XKR7: variants seen among roughly 807,000 people sequenced by gnomAD.
XKR7 encodes XK related 7.
Under a neutral mutation model 42.2 loss-of-function variants are expected in XKR7, and 11 were observed. The ratio of observed to expected loss-of-function variants is 0.26; its 90% confidence interval spans 0.16 to 0.43. The LOEUF is 0.43. Among genes scored for constraint, XKR7 ranks in the 20% least tolerant of loss-of-function variants. The pLI is 1.00. For missense variants in XKR7, 710 were observed against 802.2 expected (o/e 0.89, Z 1.39); for synonymous variants, 346 against 366.4 (o/e 0.94, Z 0.64).
In XKR7 at chr20:32,002,190, G is replaced by C. The variant is rs1054633904; in HGVS notation, c.*4733G>C. On this transcript the variant is annotated 3_prime_UTR_variant, in exon 3 of 3. Transcript: ENST00000562532. ...CAGAAAACTCCCCAGGGGACAGAGAGGTTACCCCCTTGTGCTTAGCTTCTG... is the reference window on the plus strand; with the variant it reads ...CAGAAAACTCCCCAGGGGACAGAGACGTTACCCCCTTGTGCTTAGCTTCTG... 4 of 152,232 alleles carry C rather than the reference G, an allele frequency of 2.6e-5. No individual in the cohort carries two copies. The highest frequency in any genetic ancestry group is 7.2e-5 in the African/African-American group (3 of 41,426). 9.4% of individuals were successfully genotyped at this position (152,232 alleles called of 1,614,324 possible).
rs1380272159 is a variant in XKR7 at position 32,001,871 on chromosome 20, G to A, written c.*4414G>A. ...GTAGAGGTTGGTAGGGGGAGCTGTA[G>A]TTTCTATATTAAAGTGCTTTGCAGT... On this transcript the variant is annotated 3_prime_UTR_variant, in exon 3 of 3. Transcript: ENST00000562532. 6.6e-6 allele frequency: 1 copy of A among 152,254 alleles called. No individual in the cohort carries two copies. Among genetic ancestry groups the A allele is most frequent in the Admixed American group, 6.5e-5 (1 of 15,274 alleles). 9.4% of individuals were successfully genotyped at this position (152,254 alleles called of 1,614,324 possible).
At position 31,995,172 on chromosome 20, in the gene XKR7, T is replaced by A; in HGVS notation, c.689T>A (p.Met230Lys). ...QMLFESADVS[M>K]LRLLETFLRS... Reference sequence around the variant, plus strand: ...CTGTTCGAGAGCGCCGACGTGAGCATGCTGCGCTTGCTGGAGACCTTCCTG... The same window carrying A: ...CTGTTCGAGAGCGCCGACGTGAGCAAGCTGCGCTTGCTGGAGACCTTCCTG... Residue 230 changes from methionine to lysine, a missense_variant, in exon 2 of 3, where the codon ATG becomes AAG. Met to Lys is a moderately conservative substitution (Grantham distance 95). This residue lies in a region of XKR7 where 708 missense variants were observed against 786.2 expected (regional missense o/e 0.90). Transcript: ENST00000562532. The surrounding 1 kb of genome is among the most constrained non-coding windows in gnomAD (Gnocchi z 4.1). The A allele has an allele frequency of 1.3e-6, 2 of 1,550,552 alleles. No homozygotes were observed. The highest frequency in any genetic ancestry group is 1.7e-6 in the Non-Finnish European group (2 of 1,147,296).
chr20:31,974,669 C>T (rs992511022), intron 1 of XKR7, among the ~76,000 whole-genome samples: 1 of 152,200 alleles, frequency 6.6e-6, no homozygotes, highest in African/African-American at 2.4e-5. Flanking sequence ...TGGATTCCAT[C>T]ATTTTCAAAC....
intron 2 of XKR7, 52 bp from the exon 3 acceptor site, chr20:31,996,453 A>AACC: frequency 1.6e-5 from 10 of 640,662 alleles, no homozygotes; most frequent in East Asian, 1.0e-4. Context: ...CCAGACCCCA[A>AACC]CCCGAGCCCG....
chr20:31,979,581 C>G (rs1051251289), intron 1 of XKR7, among the ~76,000 whole-genome samples: 1 of 152,168 alleles, frequency 6.6e-6, no homozygotes, highest in Non-Finnish European at 1.5e-5. Flanking sequence ...TGTAGACAGG[C>G]CACATAGTTC....
intron 1 of XKR7, among the ~76,000 whole-genome samples, chr20:31,982,341 C>T (rs1379848763): frequency 2.0e-5 from 3 of 151,788 alleles, no homozygotes; most frequent in South Asian, 2.1e-4. Context: ...GCTGACATGG[C>T]GAAACCCTGT....
Position 32,002,279 on chromosome 20 carries a change from T to G in XKR7, c.*4822T>G, listed in dbSNP as rs1471236706. On this transcript the variant is annotated 3_prime_UTR_variant, in exon 3 of 3. Transcript: ENST00000562532. ...CTCAGCAACCCTGGCCTTTATTCTA[T>G]GCATAACCACTGCAAGGGCACCCCT... 1 of 152,134 alleles carries G rather than the reference T, an allele frequency of 6.6e-6. No individual in the cohort carries two copies. Among genetic ancestry groups the G allele is most frequent in the African/African-American group, 2.4e-5 (1 of 41,392 alleles). 9.4% of individuals were successfully genotyped at this position (152,134 alleles called of 1,614,324 possible).
Position 31,968,964 on chromosome 20 carries a change from C to T in XKR7, c.584+205C>T, listed in dbSNP as rs534459010. Among the ~76,000 whole-genome samples the T allele has an allele frequency of 5.3e-5, 8 of 151,912 alleles. No homozygotes were observed. Among genetic ancestry groups the T allele is most frequent in the African/African-American group, 1.7e-4 (7 of 41,496 alleles). On this transcript the variant is annotated intron_variant, in intron 1 of 2. Transcript: ENST00000562532. This position sits in a 1 kb window ranked among gnomAD's most constrained non-coding sequence, Gnocchi z 4.5. ...AAGCCCTGACCAACCCCAGTGCCAT[C>T]CGGTCTGACCTGGCCTTCGAGAGGG...
chr20:31,987,414 A>C (rs562257161), intron 1 of XKR7, among the ~76,000 whole-genome samples: 1 of 148,784 alleles, frequency 6.7e-6, no homozygotes, highest in Non-Finnish European at 1.5e-5. Flanking sequence ...ACAGACCACC[A>C]AGTAGACCCA....
Position 31,968,730 on chromosome 20 carries a change from C to T in XKR7, c.555C>T (p.Val185=). 2 of 1,547,886 alleles carry T rather than the reference C, an allele frequency of 1.3e-6. No individual in the cohort carries two copies. The highest frequency in any genetic ancestry group is 8.7e-7 in the Non-Finnish European group (1 of 1,154,904). ...RLCIWLLQTL[V]HLLQLGQVWR... ...GCATCTGGCTGCTGCAGACCCTCGT[C>T]CACCTCCTGCAGCTCGGCCAGGTCT... The change falls in exon 1 of 3, where the codon GTC becomes GTT. Residue 185 remains valine, a synonymous_variant. Transcript: ENST00000562532. This position sits in a 1 kb window ranked among gnomAD's most constrained non-coding sequence, Gnocchi z 4.5.
chr20:31,997,874 A>G lies in XKR7; in HGVS notation c.*417A>G, dbSNP rs2064603433. The G allele has an allele frequency of 5.6e-6, 1 of 179,182 alleles. No individual in the cohort carries two copies. Among genetic ancestry groups the G allele is most frequent in the African/African-American group, 2.4e-5 (1 of 41,480 alleles). The allele number at this position is 179,182 out of a possible 1,614,324, so 11.1% of individuals were successfully genotyped here. On this transcript the variant is annotated 3_prime_UTR_variant, in exon 3 of 3. Transcript: ENST00000562532. ...GGGTTGTGGAGAGTGGGCTGCCTCT[A>G]TGGTGGGAAAAGATCTCTGAGAAGG...
Position 31,995,037 on chromosome 20 carries a change from C to T in XKR7, c.585-31C>T, listed in dbSNP as rs115813263. The T allele has an allele frequency of 1.7e-3, 2,679 of 1,539,270 alleles. 35 individuals are homozygous for T. In the African/African-American group the frequency reaches 0.027, roughly 16 times the overall value. On this transcript the variant is annotated intron_variant, in intron 1 of 2. Transcript: ENST00000562532. The surrounding 1 kb of genome is among the most constrained non-coding windows in gnomAD (Gnocchi z 4.1). ...CGACAGAGCGAGAGGAACCAGCGCGCGGGAGCCTGAGCACCGCGTCCTTCC... is the reference window on the plus strand; with the variant it reads ...CGACAGAGCGAGAGGAACCAGCGCGTGGGAGCCTGAGCACCGCGTCCTTCC...
In XKR7 at chr20:31,995,320, T is replaced by C. The variant is rs1450490467; in HGVS notation, c.787+50T>C. On this transcript the variant is annotated intron_variant, in intron 2 of 2. Coordinates refer to ENST00000562532, the MANE Select transcript of XKR7 (RefSeq NM_001011718.2). This position sits in a 1 kb window ranked among gnomAD's most constrained non-coding sequence, Gnocchi z 4.1. ...CGCCTGGGACCACCCCACCGGGCCTTTCTCCCTGCTTCAGGCTCCCTGGGG... is the reference window on the plus strand; with the variant it reads ...CGCCTGGGACCACCCCACCGGGCCTCTCTCCCTGCTTCAGGCTCCCTGGGG... 6.5e-7 allele frequency: 1 copy of C among 1,530,578 alleles called. No individual in the cohort carries two copies. Among genetic ancestry groups the C allele is most frequent in the Admixed American group, 2.0e-5 (1 of 50,460 alleles). 94.8% of individuals were successfully genotyped at this position (1,530,578 alleles called of 1,614,324 possible).
intron 1 of XKR7, among the ~76,000 whole-genome samples, chr20:31,990,179 CGT>C (rs56235886): frequency 0.21 from 30,285 of 143,662 alleles, 3,286 homozygotes; most frequent in Middle Eastern, 0.27. Flanking sequence ...AAATTCATTG[CGT>C]GTGTGTGTGT....
intron 1 of XKR7, among the ~76,000 whole-genome samples, chr20:31,993,997 G>A (rs975422365): frequency 1.3e-5 from 2 of 152,238 alleles, no homozygotes; most frequent in African/African-American, 2.4e-5. Flanking sequence ...CTCTGGCTCT[G>A]TGACCTGTGC....
chr20:31,968,485 G>C lies in XKR7; in HGVS notation c.310G>C (p.Val104Leu), dbSNP rs141459148. The C allele has an allele frequency of 1.1e-4, 173 of 1,613,684 alleles. No homozygotes were observed. Among genetic ancestry groups the C allele is most frequent in the Admixed American group, 8.3e-5 (5 of 59,958 alleles). Residue 104 changes from valine (V) to leucine (L), a missense_variant, in exon 1 of 3, where the codon GTG becomes CTG. Val to Leu is a conservative substitution (Grantham distance 32). Coordinates refer to ENST00000562532, the MANE Select transcript of XKR7 (RefSeq NM_001011718.2). This position sits in a 1 kb window ranked among gnomAD's most constrained non-coding sequence, Gnocchi z 4.5. ...GTTCGTGCTCCTGCCCTCGCTGGTC[G>C]TGCAGTTACTGAGCTTCCGCTGGTT... ...LLFVLLPSLVVQLLSFRWFVY... is the reference protein window; with the variant it reads ...LLFVLLPSLVLQLLSFRWFVY...
intron 1 of XKR7, among the ~76,000 whole-genome samples, chr20:31,990,088 T>C (rs2064562875): frequency 6.6e-6 from 1 of 152,116 alleles, no homozygotes; most frequent in Non-Finnish European, 1.5e-5. Flanking sequence ...GGTTGCCTGG[T>C]GGTGAGGAGG....
intron 1 of XKR7, among the ~76,000 whole-genome samples, chr20:31,977,548 T>G (rs1397095771): frequency 6.6e-6 from 1 of 152,196 alleles, no homozygotes; most frequent in Non-Finnish European, 1.5e-5. Context: ...ATAATGTAAA[T>G]GCACAGGGCT....
chr20:32,002,773 G>A lies in XKR7; in HGVS notation c.*5316G>A, dbSNP rs537553177. Reference sequence around the variant, plus strand: ...AGGGCTTGAAGGTGGGGGAATATATGTATTTTATTGAGTTGCTTAATACAA... The same window carrying A: ...AGGGCTTGAAGGTGGGGGAATATATATATTTTATTGAGTTGCTTAATACAA... On this transcript the variant is annotated 3_prime_UTR_variant, in exon 3 of 3. Coordinates refer to ENST00000562532, the MANE Select transcript of XKR7 (RefSeq NM_001011718.2). 6.6e-6 allele frequency: 1 copy of A among 152,354 alleles called. No individual in the cohort carries two copies. The highest frequency in any genetic ancestry group is 2.4e-5 in the African/African-American group (1 of 41,576). 9.4% of individuals were successfully genotyped at this position (152,354 alleles called of 1,614,324 possible).
Sources: allele counts gnomAD v4.1 joint callset (sites outside exome capture counted in the v4.1 genomes callset), GRCh38; gene constraint gnomAD v4.1.1; regional missense constraint gnomAD v4.1.1; non-coding constraint Gnocchi (gnomAD v3.1); transcripts MANE v1.5; gene names NCBI Gene and HGNC (gene_info 2026-07-23, HGNC 2026-07-21).